Variants in MGA observed in about 807,000 individuals in gnomAD.
MGA encodes the protein MAX dimerization protein MGA, also known as MAX gene-associated protein.
In MGA, 40 loss-of-function variants were observed where a neutral mutation model predicts 261.1. The observed-to-expected ratio is 0.15, with a 90% CI of 0.12 to 0.20. MGA has a LOEUF of 0.20. Ranked by LOEUF, MGA falls within the 10% of genes least tolerant of loss-of-function variation. The pLI is 1.00. For missense variants in MGA, 3,397 were observed against 3,630.5 expected (o/e 0.94, Z 1.65); for synonymous variants, 1,302 against 1,290.6 (o/e 1.01, Z -0.19).
In MGA at chr15:41,750,221, C is replaced by G; in HGVS notation, c.6614C>G (p.Thr2205Arg). ...GCAGACGAGCAGTTAATTAAAGAAACAAAGACATGTCAGGAAAATTCAGAT... is the reference window on the plus strand; with the variant it reads ...GCAGACGAGCAGTTAATTAAAGAAAGAAAGACATGTCAGGAAAATTCAGAT... The change falls in exon 17 of 24, where the codon ACA becomes AGA. Residue 2205 changes from threonine (T) to arginine (R), a missense_variant. By Grantham distance (71) the Thr-to-Arg change is moderately conservative. This residue lies in a region of MGA where 1,410 missense variants were observed against 1,386.4 expected (regional missense o/e 1.02). Transcript: ENST00000219905. 3.1e-6 allele frequency: 5 copies of G among 1,613,896 alleles called. No homozygotes were observed. The highest frequency in any genetic ancestry group is 1.1e-5 in the South Asian group (1 of 91,084).
At chr15:41,735,659 C>T (rs1215829754) in intron 12 of MGA, among the ~76,000 whole-genome samples, 1 of 152,000 alleles carries the variant, frequency 6.6e-6, no homozygotes, top group Non-Finnish European at 1.5e-5. Flanking sequence ...ACCACTTGAA[C>T]CTGGGAGGCA....
At chr15:41,723,574 C>A (rs1171677326) in intron 9 of MGA, among the ~76,000 whole-genome samples, 1 of 152,082 alleles carries the variant, frequency 6.6e-6, no homozygotes, top group Non-Finnish European at 1.5e-5. Context: ...TGCCACCATG[C>A]CCAGCTAAAG....
chr15:41,659,399 A>G (rs762101061), upstream of MGA, among the ~76,000 whole-genome samples: 6 of 152,174 alleles, frequency 3.9e-5, no homozygotes, highest in Non-Finnish European at 7.3e-5. Context: ...GTAGGTTCTC[A>G]GTGCTTGCTA....
rs535104521 is a variant in MGA at position 41,766,771 on chromosome 15, A to G, written c.8689A>G (p.Ile2897Val). The G allele has an allele frequency of 5.0e-5, 81 of 1,614,026 alleles. No individual in the cohort carries two copies. In the East Asian group the frequency reaches 1.2e-3, roughly 25 times the overall value. The change falls in exon 24 of 24, where the codon ATC (isoleucine) becomes GTC (valine). Residue 2897 changes from isoleucine (I) to valine (V), a missense_variant. This residue lies in a region of MGA where 647 missense variants were observed against 642.4 expected (regional missense o/e 1.01). Transcript: ENST00000219905. The stretch of plus-strand genomic sequence containing the variant: ...TGATGTTCAAGGGGAGAGTGACTCT[A>G]TCAGTCCCCTCCTCTTGCACTTGGA...
At chr15:41,692,160 T>A (rs1003123655) in intron 2 of MGA, among the ~76,000 whole-genome samples, 1 of 152,212 alleles carries the variant, frequency 6.6e-6, no homozygotes, top group Non-Finnish European at 1.5e-5. Flanking sequence ...TTCAAGTGGC[T>A]TCCTATTTTA....
intron 15 of MGA, among the ~76,000 whole-genome samples, chr15:41,748,136 A>G (rs1283628868): frequency 6.6e-6 from 1 of 152,036 alleles, no homozygotes; most frequent in Non-Finnish European, 1.5e-5. Context: ...ACATCCCTGT[A>G]GTCCCAGTTA....
intron 16 of MGA, 35 bp downstream of exon 16, chr15:41,748,962 T>C (rs752906998): frequency 6.2e-7 from 1 of 1,600,864 alleles, no homozygotes; most frequent in Non-Finnish European, 8.5e-7. Context: ...TTTCTTTTGT[T>C]GAATCACTTG....
At chr15:41,652,388 C>T (rs1252724809) in intron 1 of MGA, among the ~76,000 whole-genome samples, 1 of 150,216 alleles carries the variant, frequency 6.7e-6, no homozygotes, top group African/African-American at 2.5e-5. Context: ...TCTCCTTTCC[C>T]CGCCTTTCAC....
At chr15:41,629,591 T>G (rs942444043) in intron 1 of MGA, among the ~76,000 whole-genome samples, 20 of 149,364 alleles carry the variant, frequency 1.3e-4, no homozygotes, top group African/African-American at 3.9e-4. Flanking sequence ...ATTAGCTGGG[T>G]GTGGTGGTGT....
chr15:41,621,992 A>G (rs954826625), intron 1 of MGA, among the ~76,000 whole-genome samples: 4 of 118,036 alleles, frequency 3.4e-5, no homozygotes, highest in East Asian at 5.5e-4. Flanking sequence ...GGCCGCGTGA[A>G]GGTCACATGA....
chr15:41,711,232 T>G lies in MGA; in HGVS notation c.2967T>G (p.Ser989=), dbSNP rs896859678. Residue 989 remains serine, a synonymous_variant, in exon 8 of 24, where the codon TCT becomes TCG. Coordinates refer to ENST00000219905, the MANE Select transcript of MGA (RefSeq NM_001164273.2). The stretch of plus-strand genomic sequence containing the variant: ...AGGGAAGTCGCCCTCCAGGCTTGTC[T>G]AAATCTCAGGTGAAGCTAATGGACC... The G allele has an allele frequency of 3.1e-6, 5 of 1,614,044 alleles. No homozygotes were observed. The South Asian group carries it at 5.5e-5, about 18-fold the overall frequency.
In MGA at chr15:41,708,193, G is replaced by A. The variant is rs200874839; in HGVS notation, c.2410G>A (p.Ala804Thr). Residue 804 changes from alanine (A) to threonine (T), a missense_variant, in exon 7 of 24, where the codon GCA becomes ACA. Transcript: ENST00000219905. ...GAGGGGAAAATTTCATAGTGCTTCTGCATCTAGGAATGAAGGTAATTAGTT... is the reference window on the plus strand; with the variant it reads ...GAGGGGAAAATTTCATAGTGCTTCTACATCTAGGAATGAAGGTAATTAGTT... 315 of 1,590,424 alleles carry A rather than the reference G, an allele frequency of 2.0e-4. No individual in the cohort carries two copies. The highest frequency in any genetic ancestry group is 2.5e-4 in the Non-Finnish European group (288 of 1,166,914).
intron 15 of MGA, among the ~76,000 whole-genome samples, chr15:41,746,762 G>A (rs935693985): frequency 2.0e-5 from 3 of 151,758 alleles, no homozygotes; most frequent in South Asian, 2.1e-4. Flanking sequence ...AGAGAATCAC[G>A]TTAAGCTAAA....
intron 1 of MGA, among the ~76,000 whole-genome samples, chr15:41,643,932 A>G (rs1014177426): frequency 1.3e-5 from 2 of 151,914 alleles, no homozygotes; most frequent in Admixed American, 1.3e-4. Context: ...TTTTTTTTCC[A>G]TAAAAGTTTT....
intron 1 of MGA, among the ~76,000 whole-genome samples, chr15:41,654,513 T>A (rs1189448076): frequency 6.6e-6 from 1 of 152,228 alleles, no homozygotes; most frequent in East Asian, 1.9e-4. Context: ...AATTCCTGCG[T>A]TGATCACCAT....
At chr15:41,721,038 A>G (rs770850476) in intron 9 of MGA, among the ~76,000 whole-genome samples, 9 of 152,228 alleles carry the variant, frequency 5.9e-5, no homozygotes, top group Non-Finnish European at 1.0e-4. Flanking sequence ...CCTAATTTTC[A>G]ATGACTAAAC....
At chr15:41,679,562 A>G (rs1595688622) in intron 2 of MGA, among the ~76,000 whole-genome samples, 4 of 152,060 alleles carry the variant, frequency 2.6e-5, no homozygotes, top group African/African-American at 4.8e-5. Flanking sequence ...ATGCTATTAT[A>G]TATTGAGTGA....
chr15:41,662,663 ATTATAT>A (rs1447668732), intron 1 of MGA, among the ~76,000 whole-genome samples: 1 of 152,196 alleles, frequency 6.6e-6, no homozygotes, highest in Non-Finnish European at 1.5e-5. Context: ...CTTTCATTTT[ATTATAT>A]TTATATCCAC....
chr15:41,659,860 T>A (rs868634132), upstream of MGA, among the ~76,000 whole-genome samples: 5 of 152,372 alleles, frequency 3.3e-5, no homozygotes, highest in Admixed American at 3.3e-4. Context: ...TTCCTAGTCG[T>A]CTTCGGTTGT....
Sources: allele counts gnomAD v4.1 joint callset (sites outside exome capture counted in the v4.1 genomes callset), GRCh38; gene constraint gnomAD v4.1.1; regional missense constraint gnomAD v4.1.1; transcripts MANE v1.5; gene names NCBI Gene and HGNC (gene_info 2026-07-23, HGNC 2026-07-21).